The following MKLN1 variants were observed in gnomAD, a reference collection of about 807,000 sequenced individuals.
The protein encoded by MKLN1 is muskelin 1.
In MKLN1, 18 loss-of-function variants were observed where a neutral mutation model predicts 99.0. That is an observed-to-expected ratio of 0.18 (90% CI 0.13 to 0.27). The LOEUF (loss-of-function observed/expected upper bound fraction) is 0.27. Among genes scored for constraint, MKLN1 ranks in the 10% least tolerant of loss-of-function variants. The pLI, the probability that MKLN1 is intolerant of heterozygous loss-of-function variation, is 1.00. For synonymous variants in MKLN1, 288 were observed against 293.2 expected (o/e 0.98, Z 0.18); for missense variants, 621 against 875.9 (o/e 0.71, Z 3.67).
rs1458184508 is a variant in MKLN1 at position 131,492,374 on chromosome 7, TC to T, written c.*4647del. On this transcript the variant is annotated 3_prime_UTR_variant, in exon 18 of 18. Transcript: ENST00000352689. Reference sequence around the variant, plus strand: ...TCAGTTGCCATGAAATGATTGCTTTTCTTTTTCTTTTTTTTTCCTTAAATAA... The same window carrying T: ...TCAGTTGCCATGAAATGATTGCTTTTTTTTTCTTTTTTTTTCCTTAAATAA... 1 of 152,194 alleles carries T rather than the reference TC, an allele frequency of 6.6e-6. No individual in the cohort carries two copies. Among genetic ancestry groups the T allele is most frequent in the African/African-American group, 2.4e-5 (1 of 41,448 alleles). The allele number at this position is 152,194 out of a possible 1,614,324, so 9.4% of individuals were successfully genotyped here.
chr7:131,153,088 G>A (rs1795913340), intron 2 of MKLN1, among the ~76,000 whole-genome samples: 2 of 147,088 alleles, frequency 1.4e-5, no homozygotes, highest in South Asian at 2.1e-4. Context: ...TTTGCCATTA[G>A]GTGGTACATA....
At chr7:131,410,996 C>T (rs941189314) in intron 6 of MKLN1, among the ~76,000 whole-genome samples, 6 of 152,064 alleles carry the variant, frequency 3.9e-5, no homozygotes, top group Non-Finnish European at 7.4e-5. Flanking sequence ...ATGTCACATA[C>T]GTGTCCGTTG....
chr7:131,351,614 A>C (rs1447071092), intron 1 of MKLN1, among the ~76,000 whole-genome samples: 1 of 151,934 alleles, frequency 6.6e-6, no homozygotes, highest in African/African-American at 2.4e-5. Flanking sequence ...GGTGTGTGCC[A>C]CCATGCCTGG....
At chr7:131,110,721 C>T (rs1201467619) in intron 1 of MKLN1, among the ~76,000 whole-genome samples, 1 of 152,216 alleles carries the variant, frequency 6.6e-6, no homozygotes, top group Non-Finnish European at 1.5e-5. Flanking sequence ...TTCCCCTCAC[C>T]ATCCTCCTTC....
intron 2 of MKLN1, among the ~76,000 whole-genome samples, chr7:131,149,028 C>T (rs1400111446): frequency 6.6e-6 from 1 of 152,110 alleles, no homozygotes; most frequent in Non-Finnish European, 1.5e-5. Context: ...GTCGCAGGCT[C>T]GGATTTCTGG....
rs370982387 is a variant in MKLN1 at position 131,480,008 on chromosome 7, A to G, written c.2086+1331A>G. On this transcript the variant is annotated intron_variant, in intron 17 of 17. Coordinates refer to ENST00000352689, the MANE Select transcript of MKLN1 (RefSeq NM_013255.5). ...TGCACTCCAGCCTGGGCGACAGAGGAAGACTCCATCTCAAAAAAAAAAAAA... is the reference window on the plus strand; with the variant it reads ...TGCACTCCAGCCTGGGCGACAGAGGGAGACTCCATCTCAAAAAAAAAAAAA... 3.3e-4 allele frequency among the ~76,000 whole-genome samples: 49 copies of G among 147,756 alleles called. 1 individual carries two copies. The East Asian group carries it at 8.7e-3, about 26-fold the overall frequency.
At chr7:131,350,506 TG>T (rs1357158763) in intron 1 of MKLN1, among the ~76,000 whole-genome samples, 2 of 152,248 alleles carry the variant, frequency 1.3e-5, no homozygotes, top group African/African-American at 4.8e-5. Flanking sequence ...GTCAAGATGT[TG>T]GCTGGGGCTG....
chr7:131,453,333 TA>T (rs1356704330), intron 12 of MKLN1, among the ~76,000 whole-genome samples: 1 of 152,130 alleles, frequency 6.6e-6, no homozygotes, highest in African/African-American at 2.4e-5. Context: ...TGGGATGAAA[TA>T]GAGCAGATAG....
In MKLN1 at chr7:131,174,236, T is replaced by C. The variant is rs374125786; in HGVS notation, c.-296-28621T>C. Among the ~76,000 whole-genome samples, 51 of 152,286 alleles carry C rather than the reference T, an allele frequency of 3.3e-4. 1 individual carries two copies. The highest frequency in any genetic ancestry group is 1.1e-3 in the African/African-American group (44 of 41,562). On this transcript the variant is annotated intron_variant, in intron 2 of 7. Transcript: ENST00000416992. ...ATCTGACCGCCTCGGCCTCCCAAAG[T>C]GCTGGGATTACAGGCGTGAGCCACC...
rs1487109725 is a variant in MKLN1 at position 131,397,380 on chromosome 7, G to C, written c.510+4G>C. The C allele has an allele frequency of 3.3e-6, 5 of 1,526,204 alleles. No homozygotes were observed. Among genetic ancestry groups the C allele is most frequent in the Admixed American group, 1.9e-5 (1 of 52,756 alleles). 94.5% of individuals were successfully genotyped at this position (1,526,204 alleles called of 1,614,324 possible). A position where few individuals can be genotyped will look rare whatever the true frequency, so the allele number is the denominator to read the frequency against. Reference sequence around the variant, plus strand: ...TTGTCTCAACTGGTATAGCAAGGTAGGACTGTGTTTTAAATCCTGACTTTA... The same window carrying C: ...TTGTCTCAACTGGTATAGCAAGGTACGACTGTGTTTTAAATCCTGACTTTA... On this transcript the variant is annotated splice_donor_region_variant and intron_variant, in intron 5 of 17. Transcript: ENST00000352689.
At chr7:131,478,747 T>C in intron 17 of MKLN1, 70 bp downstream of exon 17, 1 of 1,522,902 alleles carries the variant, frequency 6.6e-7, no homozygotes, top group Non-Finnish European at 9.1e-7. Context: ...TGGTTTCTTT[T>C]ACGTGAAACA....
At chr7:131,367,742 T>C (rs1800222655) in intron 1 of MKLN1, among the ~76,000 whole-genome samples, 2 of 152,190 alleles carry the variant, frequency 1.3e-5, no homozygotes, top group African/African-American at 4.8e-5. Flanking sequence ...TCTTAGAATT[T>C]TATTTCTATA....
chr7:131,322,851 T>C (rs1043849531), intron 3 of MKLN1, among the ~76,000 whole-genome samples: 3 of 151,640 alleles, frequency 2.0e-5, no homozygotes, highest in African/African-American at 4.9e-5. Context: ...ATTACAGGCG[T>C]GAGCCACCGC....
intron 3 of MKLN1, among the ~76,000 whole-genome samples, chr7:131,241,614 C>T (rs1046746194): frequency 3.3e-5 from 5 of 152,150 alleles, no homozygotes; most frequent in African/African-American, 1.2e-4. Context: ...AAGCTGATGG[C>T]ATCACTGCAT....
intron 3 of MKLN1, among the ~76,000 whole-genome samples, chr7:131,314,913 A>G (rs1388105974): frequency 6.6e-6 from 1 of 152,058 alleles, no homozygotes; most frequent in Non-Finnish European, 1.5e-5. Flanking sequence ...CTGGGACTAC[A>G]GGCACACACC....
chr7:131,241,428 C>G (rs1340294600), intron 3 of MKLN1, among the ~76,000 whole-genome samples: 2 of 151,138 alleles, frequency 1.3e-5, no homozygotes, highest in Non-Finnish European at 2.9e-5. Flanking sequence ...CTTAGCAGCC[C>G]AGGGGCGGTG....
chr7:131,470,668 A>G (rs948013824), intron 15 of MKLN1, among the ~76,000 whole-genome samples, 174 bp from the exon 16 acceptor site: 1 of 152,202 alleles, frequency 6.6e-6, no homozygotes, highest in Non-Finnish European at 1.5e-5. Flanking sequence ...GAACTCCACA[A>G]CTACACTATC....
intron 1 of MKLN1, among the ~76,000 whole-genome samples, chr7:131,350,079 T>C (rs1411790622): frequency 5.3e-5 from 8 of 152,210 alleles, no homozygotes; most frequent in Non-Finnish European, 1.0e-4. Context: ...CATTCTGTAA[T>C]TTTCAACCTG....
At chr7:131,115,755 T>C (rs778395980) in intron 1 of MKLN1, among the ~76,000 whole-genome samples, 1 of 152,154 alleles carries the variant, frequency 6.6e-6, no homozygotes, top group Non-Finnish European at 1.5e-5. Context: ...TATTATAGGA[T>C]TTACCCTATA....
Sources: allele counts gnomAD v4.1 joint callset (sites outside exome capture counted in the v4.1 genomes callset), GRCh38; gene constraint gnomAD v4.1.1; transcripts MANE v1.5; gene names NCBI Gene and HGNC (gene_info 2026-07-23, HGNC 2026-07-21).